Variants in GALC observed in about 807,000 individuals in gnomAD.
GALC encodes galactosylceramidase, also known as galactocerebrosidase.
Under a neutral mutation model 91.8 loss-of-function variants are expected in GALC, and 77 were observed. The ratio of observed to expected loss-of-function variants is 0.84; its 90% CI spans 0.70 to 1.01. GALC has a LOEUF of 1.01. Among genes scored for constraint, GALC ranks in the 50% least tolerant of loss-of-function variants. The pLI is 0.00. For synonymous variants in GALC, 357 were observed against 306.7 expected (o/e 1.16, Z -1.71); for missense variants, 882 against 855.9 (o/e 1.03, Z -0.38).
At chr14:87,986,423 C>T (rs1886972433) in intron 4 of GALC, 66 bp downstream of exon 4, 2 of 986,036 alleles carry the variant, frequency 2.0e-6, no homozygotes, top group African/African-American at 1.6e-5. Flanking sequence ...ATTCCACCAA[C>T]ACGATTCAGA....
intron 7 of GALC, among the ~76,000 whole-genome samples, chr14:87,969,768 A>G (rs769948407): frequency 5.3e-5 from 8 of 152,184 alleles, no homozygotes; most frequent in Non-Finnish European, 1.2e-4. Flanking sequence ...TTAGGAAAAA[A>G]TCCTATTTGG....
intron 10 of GALC, chr14:87,954,594 A>G (rs1398919477): frequency 7.6e-6 from 12 of 1,585,526 alleles, no homozygotes; most frequent in African/African-American, 1.3e-5. Flanking sequence ...AAATTTCAAA[A>G]AAGTGCACCT....
At chr14:87,938,530 T>C (rs1247119617) in intron 16 of GALC, among the ~76,000 whole-genome samples, 1 of 152,016 alleles carries the variant, frequency 6.6e-6, no homozygotes, top group African/African-American at 2.4e-5. Flanking sequence ...TGCTGATTTG[T>C]TACATCAAAA....
Position 87,934,160 on chromosome 14 carries a change from C to A in GALC, c.*572G>T, listed in dbSNP as rs1423402952. The A allele has an allele frequency of 7.0e-7, 1 of 1,421,232 alleles. No individual in the cohort carries two copies. The allele number at this position is 1,421,232 out of a possible 1,614,324, so 88.0% of individuals were successfully genotyped here. A position where few individuals can be genotyped will look rare whatever the true frequency, so the allele number is the denominator to read the frequency against. On this transcript the variant is annotated 3_prime_UTR_variant, in exon 17 of 17. Transcript: ENST00000261304. ...AAGAGGCATTTTTAAAATCATCCCA[C>A]TCATCATATCCTGCATTTCAAAAGT...
chr14:87,993,537 G>T, upstream of GALC: 1 of 1,417,998 alleles, frequency 7.1e-7, no homozygotes, highest in South Asian at 1.2e-5. Flanking sequence ...ACCAGGCTTG[G>T]ACACCAGGTC....
At chr14:87,959,472 C>A (rs1336514831) in intron 10 of GALC, 1 of 152,254 alleles carries the variant, frequency 6.6e-6, no homozygotes, top group Admixed American at 6.5e-5. Flanking sequence ...ATAATCCCAG[C>A]ATTTTGGGAG....
intron 1 of GALC, among the ~76,000 whole-genome samples, chr14:87,991,780 T>C (rs1286193918): frequency 6.6e-6 from 1 of 152,218 alleles, no homozygotes; most frequent in Non-Finnish European, 1.5e-5. Context: ...TCTTCTCATC[T>C]TAGTAATTTT....
chr14:87,945,710 G>T lies in GALC; in HGVS notation c.1513C>A (p.Pro505Thr). The T allele has an allele frequency of 6.2e-7, 1 of 1,611,656 alleles. No individual in the cohort carries two copies. The highest frequency in any genetic ancestry group is 8.5e-7 in the Non-Finnish European group (1 of 1,178,624). Residue 505 changes from proline (P) to threonine (T), a missense_variant, in exon 14 of 17, where the codon CCA (proline) becomes ACA (threonine). Transcript: ENST00000261304. ...NVDYPFFSEA[P>T]NFADQTGVFE... ...ACACCAGTTTGATCAGCAAAGTTTGGAGCTTCACTAAAAAATGGGTAATCT... is the reference window on the plus strand; with the variant it reads ...ACACCAGTTTGATCAGCAAAGTTTGTAGCTTCACTAAAAAATGGGTAATCT...
chr14:87,965,744 A>T, intron 8 of GALC, 115 bp from the exon 9 acceptor site: 6 of 1,021,462 alleles, frequency 5.9e-6, no homozygotes. Flanking sequence ...ATAAATGACA[A>T]TAAAAGGATC....
chr14:87,993,221 A>C (rs1254790887), upstream of GALC: 1 of 1,548,090 alleles, frequency 6.5e-7, no homozygotes, highest in African/African-American at 1.4e-5. Context: ...CCGCCACGAT[A>C]GATACGGGCA....
intron 14 of GALC, among the ~76,000 whole-genome samples, chr14:87,941,821 T>G (rs1884867366): frequency 6.6e-6 from 1 of 151,802 alleles, no homozygotes; most frequent in African/African-American, 2.4e-5. Context: ...CCTGAGAAAA[T>G]TTTTTTTCTA....
In GALC at chr14:87,947,776, G is replaced by A. The variant is rs759122249; in HGVS notation, c.1441C>T (p.Pro481Ser). 11 of 1,612,868 alleles carry A rather than the reference G, an allele frequency of 6.8e-6. No homozygotes were observed. The Admixed American group carries it at 1.3e-4, about 20-fold the overall frequency. The change falls in exon 13 of 17, where the codon CCA becomes TCA. Residue 481 changes from proline to serine, a missense_variant. By Grantham distance (74) the Pro-to-Ser change is moderately conservative. Transcript: ENST00000261304. ...GTACTTGGGAAGGGCTGGGATTTTG[G>A]AGGAAGCGGGTAGCTGCCTTTGCGA... ...TGRKGSYPLP[P>S]KSQPFPSTYK...
At chr14:87,937,050 T>A (rs966108603) in intron 16 of GALC, among the ~76,000 whole-genome samples, 1 of 151,592 alleles carries the variant, frequency 6.6e-6, no homozygotes, top group African/African-American at 2.4e-5. Flanking sequence ...CTACCCACCA[T>A]GCAACAGAAC....
rs553331448 is a variant in GALC, at chr14:87,984,639, C to A, written c.443-106G>T. On this transcript the variant is annotated intron_variant, in intron 4 of 16. Transcript: ENST00000261304. ...AGAAAAGCATTCAACTAGCAAAAAA[C>A]CAATACAGATCTGACTAAAGGAAAG... is the stretch of plus-strand genomic sequence containing the variant. 3.3e-5 allele frequency: 36 copies of A among 1,099,462 alleles called. No homozygotes were observed. In the South Asian group the frequency reaches 4.3e-4, roughly 13 times the overall value. The allele number at this position is 1,099,462 out of a possible 1,614,324, so 68.1% of individuals were successfully genotyped here.
In GALC at chr14:87,993,045, G is replaced by C; in HGVS notation, c.120C>G (p.Gly40=). Residue 40 remains glycine (G), a synonymous_variant, in exon 1 of 17, where the codon GGC becomes GGG. Coordinates refer to ENST00000261304, the MANE Select transcript of GALC (RefSeq NM_000153.4). The stretch of plus-strand genomic sequence containing the variant: ...CGGAGTCGTCGAGCACGTACGCGCC[G>C]CCGGGCGCCAGCAGCGCACACAGCA... ...PLLLCALLAP[G]GAYVLDDSDG... The C allele has an allele frequency of 1.9e-6, 3 of 1,556,094 alleles. No homozygotes were observed. Among genetic ancestry groups the C allele is most frequent in the Non-Finnish European group, 1.7e-6 (2 of 1,153,740 alleles).
chr14:87,992,554 G>A (rs771913582), intron 1 of GALC: 10 of 1,508,586 alleles, frequency 6.6e-6, no homozygotes, highest in Non-Finnish European at 8.8e-6. Context: ...CCACTGGGGC[G>A]TTCTCTTTCG....
intron 11 of GALC, 142 bp downstream of exon 11, chr14:87,950,515 CAG>C: frequency 1.7e-6 from 1 of 599,038 alleles, no homozygotes; most frequent in South Asian, 2.1e-5. Flanking sequence ...AGTCGGAAGA[CAG>C]AAGACACCAG....
At chr14:87,940,059 T>G in intron 15 of GALC, 78 bp from the exon 16 acceptor site, 66 of 1,155,258 alleles carry the variant, frequency 5.7e-5, no homozygotes, top group Non-Finnish European at 7.8e-5. Context: ...AGTGGGGTTC[T>G]TGAGTGGCAT....
intron 3 of GALC, chr14:87,986,977 T>A (rs2139755973): frequency 2.2e-6 from 1 of 445,960 alleles, no homozygotes; most frequent in Middle Eastern, 3.4e-4. Flanking sequence ...ACCTCAACTT[T>A]CAGCTTTTCA....
Sources: gnomAD v4.1 joint callset for allele counts (sites outside exome capture counted in the v4.1 genomes callset) on GRCh38, gnomAD v4.1.1 for gene constraint, MANE v1.5 for transcripts, NCBI Gene and HGNC (gene_info 2026-07-23, HGNC 2026-07-21) for gene names.